GUCY1A2: variants seen among roughly 807,000 people sequenced by gnomAD.
GUCY1A2 encodes the protein guanylate cyclase soluble subunit alpha-2.
GUCY1A2 carries 27 observed loss-of-function variants against 63.5 expected under a neutral mutation model. The observed-to-expected ratio is 0.43, with a 90% CI of 0.31 to 0.59. The LOEUF is 0.59. GUCY1A2 is among the 20% of genes least tolerant of loss of function. The pLI is 0.11. For missense variants in GUCY1A2, 768 were observed against 913.3 expected, an observed-to-expected ratio of 0.84 and a Z score of 2.05; for synonymous variants, 364 against 343.5, an observed-to-expected ratio of 1.06 and a Z score of -0.66.
In GUCY1A2 at chr11:106,984,640, T is replaced by C. The variant is rs187446729; in HGVS notation, c.365+1430A>G. ...GAAAATTAGACTTTGATGATGGATA[T>C]TGTCATAAAAATATTAATAATAACG... On this transcript the variant is annotated intron_variant, in intron 2 of 7. Transcript: ENST00000526355. 2.6e-3 allele frequency among the ~76,000 whole-genome samples: 372 copies of C among 145,806 alleles called. 14 individuals are homozygous for C. Among genetic ancestry groups the C allele is most frequent in the East Asian group, 2.5e-4 (1 of 3,968 alleles).
chr11:106,850,844 T>G (rs910375515), intron 4 of GUCY1A2, among the ~76,000 whole-genome samples: 2 of 151,898 alleles, frequency 1.3e-5, no homozygotes, highest in African/African-American at 4.8e-5. Context: ...TTCGCTGGCT[T>G]TGGATAAATA....
intron 4 of GUCY1A2, among the ~76,000 whole-genome samples, chr11:106,922,218 G>A (rs2119906592): frequency 6.6e-6 from 1 of 152,148 alleles, no homozygotes; most frequent in Admixed American, 6.5e-5. Context: ...ACAAATACCT[G>A]CCCTTTTACT....
At chr11:106,811,371 G>C (rs1043059201) in intron 4 of GUCY1A2, among the ~76,000 whole-genome samples, 1 of 152,000 alleles carries the variant, frequency 6.6e-6, no homozygotes, top group African/African-American at 2.4e-5. Context: ...TAACTATTTG[G>C]ATTGGACTAA....
chr11:106,873,443 G>GTT (rs957555945), intron 4 of GUCY1A2, among the ~76,000 whole-genome samples: 45 of 151,932 alleles, frequency 3.0e-4, no homozygotes, highest in Admixed American at 2.9e-3. Context: ...TGTTTCTTCA[G>GTT]TTTTTAACAA....
In GUCY1A2 at chr11:106,678,483, A is replaced by C; in HGVS notation, c.*9066T>G. The C allele has an allele frequency of 4.7e-6, 1 of 214,040 alleles. No individual in the cohort carries two copies. Among genetic ancestry groups the C allele is most frequent in the African/African-American group, 2.3e-5 (1 of 44,426 alleles). The allele number at this position is 214,040 out of a possible 1,614,324, so 13.3% of individuals were successfully genotyped here. A position where few individuals can be genotyped will look rare whatever the true frequency, so the allele number is the denominator to read the frequency against. On this transcript the variant is annotated 3_prime_UTR_variant, in exon 8 of 8. Transcript: ENST00000526355. ...TGATCCAGATTGCCCAAACCTCAGAAGAAAGTCATATTTTGCTAGCTTTTA... is the reference window on the plus strand; with the variant it reads ...TGATCCAGATTGCCCAAACCTCAGACGAAAGTCATATTTTGCTAGCTTTTA...
intron 4 of GUCY1A2, among the ~76,000 whole-genome samples, chr11:106,881,269 A>T (rs966393048): frequency 3.3e-5 from 5 of 152,116 alleles, no homozygotes; most frequent in Admixed American, 3.3e-4. Context: ...GCCACACTCC[A>T]AATGTTCAAA....
chr11:106,726,242 T>C (rs183101790), intron 6 of GUCY1A2, among the ~76,000 whole-genome samples: 1 of 151,862 alleles, frequency 6.6e-6, no homozygotes, highest in Non-Finnish European at 1.5e-5. Flanking sequence ...TGGTAAAACC[T>C]CGTCTCTACT....
rs866114450 is a variant in GUCY1A2, at chr11:106,828,901, G to A, written c.1207-18423C>T. 4.6e-5 allele frequency among the ~76,000 whole-genome samples: 7 copies of A among 152,292 alleles called. No individual in the cohort carries two copies. In the Middle Eastern group the frequency reaches 0.01, roughly 222 times the overall value. On this transcript the variant is annotated intron_variant, in intron 4 of 7. Coordinates refer to ENST00000526355, the MANE Select transcript of GUCY1A2 (RefSeq NM_000855.3). ...GCTATTTCAACAAATACTCCAGAAAGTATTTGTTTTAACAACTTTATTAAT... is the reference window on the plus strand; with the variant it reads ...GCTATTTCAACAAATACTCCAGAAAATATTTGTTTTAACAACTTTATTAAT...
In GUCY1A2 at chr11:107,013,711, C is replaced by T. The variant is rs537893878; in HGVS notation, c.303+4042G>A. Among the ~76,000 whole-genome samples the T allele has an allele frequency of 2.3e-4, 35 of 152,156 alleles. No individual in the cohort carries two copies. The South Asian group carries it at 5.2e-3, about 23-fold the overall frequency. ...TACAGGCGTGCATCATCATGACCTG[C>T]TAATTGGAGGGTTATTTTTATTATT... On this transcript the variant is annotated intron_variant, in intron 1 of 7. Coordinates refer to ENST00000526355, the MANE Select transcript of GUCY1A2 (RefSeq NM_000855.3).
chr11:106,768,288 G>A (rs78464273), intron 6 of GUCY1A2, among the ~76,000 whole-genome samples: 2,362 of 152,124 alleles, frequency 0.016, 58 homozygotes, highest in African/African-American at 0.054. Context: ...ACCACCACAT[G>A]CAGCTAGAAT....
chr11:106,922,533 T>C (rs1860458822), intron 4 of GUCY1A2, among the ~76,000 whole-genome samples: 1 of 149,186 alleles, frequency 6.7e-6, no homozygotes, highest in African/African-American at 2.5e-5. Flanking sequence ...AAATTGTGAG[T>C]ACACACACAC....
intron 7 of GUCY1A2, among the ~76,000 whole-genome samples, chr11:106,691,803 A>G (rs905990777): frequency 5.3e-5 from 8 of 152,224 alleles, no homozygotes; most frequent in African/African-American, 1.4e-4. Context: ...TTTAAATTTC[A>G]ATAGTAAAAA....
chr11:106,940,259 G>A (rs945531467), intron 3 of GUCY1A2, 81 bp from the exon 4 acceptor site: 2 of 686,464 alleles, frequency 2.9e-6, no homozygotes, highest in Non-Finnish European at 5.0e-6. Context: ...CTTATCAAAA[G>A]AGTAACTACT....
chr11:106,939,745 C>A lies in GUCY1A2; in HGVS notation c.921G>T (p.Gln307His). ...ENTNIMKNLP[Q>H]GTSQVPADLR... ...GGTCCGCAGGAACTTGGGAGGTTCC[C>A]TGTGGAAGGTTCTTCATGATATTAG... The change falls in exon 4 of 8, where the codon CAG becomes CAT. Residue 307 changes from glutamine to histidine, a missense_variant. Gln to His is a conservative substitution (Grantham distance 24). Transcript: ENST00000526355. The A allele has an allele frequency of 6.2e-7, 1 of 1,613,936 alleles. No individual in the cohort carries two copies. The highest frequency in any genetic ancestry group is 8.5e-7 in the Non-Finnish European group (1 of 1,179,876).
chr11:106,727,644 A>G (rs968576356), intron 6 of GUCY1A2, among the ~76,000 whole-genome samples: 8 of 151,816 alleles, frequency 5.3e-5, no homozygotes, highest in African/African-American at 1.7e-4. Context: ...ACATTTATGG[A>G]AAAAAAATCA....
At chr11:106,827,234 C>T in intron 4 of GUCY1A2, 2 of 1,539,576 alleles carry the variant, frequency 1.3e-6, no homozygotes, top group Non-Finnish European at 1.8e-6. Context: ...CTTCTAGCTT[C>T]CTTTTTCCTT....
At chr11:106,711,214 A>G (rs1177047134) in intron 6 of GUCY1A2, among the ~76,000 whole-genome samples, 2 of 152,224 alleles carry the variant, frequency 1.3e-5, no homozygotes, top group South Asian at 2.1e-4. Flanking sequence ...TGCCATGCAT[A>G]TGTAGGTGCT....
intron 5 of GUCY1A2, among the ~76,000 whole-genome samples, chr11:106,795,514 T>C (rs886890265): frequency 2.0e-5 from 3 of 152,194 alleles, no homozygotes; most frequent in Admixed American, 2.0e-4. Flanking sequence ...TAGACAGCTT[T>C]CATAGACTCC....
chr11:106,880,010 T>G (rs191008688), intron 4 of GUCY1A2, among the ~76,000 whole-genome samples: 293 of 151,942 alleles, frequency 1.9e-3, no homozygotes, highest in Admixed American at 3.1e-3. Context: ...CCCTGTATGG[T>G]CAATGCACCT....
Sources: allele counts gnomAD v4.1 joint callset (sites outside exome capture counted in the v4.1 genomes callset), GRCh38; gene constraint gnomAD v4.1.1; transcripts MANE v1.5; gene names NCBI Gene and HGNC (gene_info 2026-07-23, HGNC 2026-07-21).